SPATA13: variants seen among roughly 807,000 people sequenced by gnomAD.
SPATA13 encodes spermatogenesis associated 13.
SPATA13 carries 50 observed loss-of-function variants against 104.0 expected under a neutral mutation model. The observed-to-expected ratio is 0.48, with a 90% confidence interval of 0.38 to 0.61. The LOEUF is 0.61. SPATA13 is among the 20% of genes least tolerant of loss of function. The probability of loss-of-function intolerance (pLI) is 0.00; values close to 1 mark genes in which losing one functional copy is unlikely to be tolerated. For missense variants in SPATA13, 1,524 were observed against 1,690.6 expected, an observed-to-expected ratio of 0.90 and a Z score of 1.73; for synonymous variants, 606 against 667.5, an observed-to-expected ratio of 0.91 and a Z score of 1.42.
intron 3 of SPATA13, among the ~76,000 whole-genome samples, chr13:24,100,192 T>C (rs576110304): frequency 6.6e-6 from 1 of 152,278 alleles, no homozygotes; most frequent in African/African-American, 2.4e-5. Context: ...GGCAAGCCCC[T>C]GACAAGTTAA....
At chr13:24,121,752 A>G (rs7996166) in intron 3 of SPATA13, among the ~76,000 whole-genome samples, 77,232 of 151,972 alleles carry the variant, frequency 0.51, 20,314 homozygotes, top group Admixed American at 0.58. Context: ...AGCTGCCTTC[A>G]TGACATCCCC....
At chr13:24,072,368 A>C (rs1472815507) in intron 3 of SPATA13, among the ~76,000 whole-genome samples, 2 of 152,234 alleles carry the variant, frequency 1.3e-5, no homozygotes, top group Admixed American at 1.3e-4. Context: ...TAAATGGGAA[A>C]TCAAGCATTT....
chr13:24,021,928 G>C (rs902846523), intron 3 of SPATA13, among the ~76,000 whole-genome samples: 1 of 151,938 alleles, frequency 6.6e-6, no homozygotes, highest in Non-Finnish European at 1.5e-5. Context: ...AGGCAGGATG[G>C]TCTCGATCTC....
At chr13:24,077,297 C>T (rs1879364893) in intron 3 of SPATA13, among the ~76,000 whole-genome samples, 1 of 147,586 alleles carries the variant, frequency 6.8e-6, no homozygotes, top group African/African-American at 2.5e-5. Context: ...GAGCCCAGTC[C>T]ACAAGAGCTG....
At chr13:24,057,875 T>A (rs772802447) in intron 3 of SPATA13, among the ~76,000 whole-genome samples, 7 of 151,664 alleles carry the variant, frequency 4.6e-5, no homozygotes, top group Non-Finnish European at 8.9e-5. Context: ...TCCCCTCCTC[T>A]CTTTTGATTT....
intron 3 of SPATA13, among the ~76,000 whole-genome samples, chr13:24,130,734 T>C (rs1196949755): frequency 6.6e-6 from 1 of 152,238 alleles, no homozygotes; most frequent in Non-Finnish European, 1.5e-5. Flanking sequence ...AGTAACCACT[T>C]ACCAGATGAC....
chr13:23,984,208 T>C (rs1875042249), intron 2 of SPATA13, among the ~76,000 whole-genome samples: 2 of 152,244 alleles, frequency 1.3e-5, no homozygotes, highest in Non-Finnish European at 2.9e-5. Context: ...AGTGTCTGTT[T>C]TGTAAAGGTA....
intron 2 of SPATA13, among the ~76,000 whole-genome samples, chr13:24,003,628 G>A (rs963428384): frequency 6.6e-6 from 1 of 152,174 alleles, no homozygotes; most frequent in Non-Finnish European, 1.5e-5. Flanking sequence ...TAGTAGTAAT[G>A]AATACAGATT....
chr13:24,133,454 G>C (rs1232989937), intron 3 of SPATA13, among the ~76,000 whole-genome samples: 1 of 152,136 alleles, frequency 6.6e-6, no homozygotes, highest in Non-Finnish European at 1.5e-5. Context: ...AATGTCAGTG[G>C]GCACAGGAAG....
At chr13:24,261,535 G>A (rs1177689418) in intron 4 of SPATA13, among the ~76,000 whole-genome samples, 1 of 152,102 alleles carries the variant, frequency 6.6e-6, no homozygotes, top group Non-Finnish European at 1.5e-5. Context: ...TATGAGTGGG[G>A]GTAAAAATGA....
intron 2 of SPATA13, among the ~76,000 whole-genome samples, chr13:23,999,438 G>GT (rs1875852188): frequency 2.1e-5 from 3 of 139,824 alleles, no homozygotes; most frequent in African/African-American, 5.3e-5. Context: ...AGACCAATTT[G>GT]AGAAGATTTG....
chr13:24,195,052 C>T (rs1593405448), intron 1 of SPATA13, among the ~76,000 whole-genome samples: 1 of 152,154 alleles, frequency 6.6e-6, no homozygotes, highest in East Asian at 1.9e-4. Flanking sequence ...CCACTGATTC[C>T]AGGACCTTTT....
intron 7 of SPATA13, 127 bp downstream of exon 7, chr13:24,287,077 C>G: frequency 1.3e-6 from 1 of 772,998 alleles, no homozygotes; most frequent in South Asian, 1.9e-5. Flanking sequence ...ATTTCTCCGC[C>G]TCTGCTGTCT....
intron 3 of SPATA13, among the ~76,000 whole-genome samples, chr13:24,043,364 G>A (rs1372546342): frequency 2.6e-5 from 4 of 152,140 alleles, no homozygotes; most frequent in Non-Finnish European, 5.9e-5. Flanking sequence ...CATCTCAGCA[G>A]CACTGGTCCC....
chr13:24,229,107 G>C (rs569883525), intron 2 of SPATA13, among the ~76,000 whole-genome samples: 1 of 152,348 alleles, frequency 6.6e-6, no homozygotes, highest in East Asian at 1.9e-4. Flanking sequence ...TTTACTTGTT[G>C]ACAGTGCTGT....
chr13:24,286,192 G>A lies in SPATA13; in HGVS notation c.2302-22G>A, dbSNP rs778303559. 12 of 1,594,988 alleles carry A rather than the reference G, an allele frequency of 7.5e-6. No homozygotes were observed. The highest frequency in any genetic ancestry group is 9.4e-6 in the Non-Finnish European group (11 of 1,169,074). On this transcript the variant is annotated intron_variant, in intron 5 of 12. Coordinates refer to ENST00000382108, the MANE Select transcript of SPATA13 (RefSeq NM_001166271.3). This position sits in a 1 kb window ranked among gnomAD's most constrained non-coding sequence, Gnocchi z 4.9. ...CGCCCACTCGTGCTCTATGCTGAGC[G>A]CACCCCACTGTCTCCTTTCAGCTGA...
intron 3 of SPATA13, among the ~76,000 whole-genome samples, chr13:24,064,681 C>T (rs1290575202): frequency 6.6e-6 from 1 of 152,162 alleles, no homozygotes; most frequent in African/African-American, 2.4e-5. Flanking sequence ...AGACAAATTT[C>T]TGTTGGCTCT....
chr13:24,202,520 CTTTT>C (rs10608738), intron 1 of SPATA13, among the ~76,000 whole-genome samples: 1,063 of 88,344 alleles, frequency 0.012, 16 homozygotes, highest in African/African-American at 0.041. Flanking sequence ...CTTTCTTTCC[CTTTT>C]TTTTTTTTTT....
chr13:24,146,310 A>G (rs890511173), intron 3 of SPATA13, among the ~76,000 whole-genome samples: 5 of 152,180 alleles, frequency 3.3e-5, no homozygotes, highest in Non-Finnish European at 5.9e-5. Context: ...TCCCATTGTG[A>G]AAGGGAGGTC....
Sources: gnomAD v4.1 joint callset for allele counts (sites outside exome capture counted in the v4.1 genomes callset) on GRCh38, gnomAD v4.1.1 for gene constraint, Gnocchi (gnomAD v3.1) non-coding constraint, MANE v1.5 for transcripts, NCBI Gene and HGNC (gene_info 2026-07-23, HGNC 2026-07-21) for gene names.